The following SAPCD1 variants were observed in gnomAD, a reference collection of about 807,000 sequenced individuals.
SAPCD1 encodes the protein suppressor APC domain-containing protein 1.
Under a neutral mutation model 20.7 loss-of-function variants are expected in SAPCD1, and 16 were observed. The ratio of observed to expected loss-of-function variants is 0.77; its 90% CI spans 0.52 to 1.17. SAPCD1 has a LOEUF of 1.17. Ranked by LOEUF, SAPCD1 falls within the 50% of genes most tolerant of loss-of-function variation. The probability of loss-of-function intolerance (pLI) is 0.00; values close to 1 mark genes in which losing one functional copy is unlikely to be tolerated. For synonymous variants in SAPCD1, 77 were observed against 84.8 expected, an observed-to-expected ratio of 0.91 and a Z score of 0.50; for missense variants, 173 against 209.9, an observed-to-expected ratio of 0.82 and a Z score of 1.09.
In SAPCD1 at chr6:31,763,199, G is replaced by T; in HGVS notation, c.114+31G>T. Reference sequence around the variant, plus strand: ...TATCAGCCCAACAAGAGGTCCCAGGGGAACTCTCTCAATAGATCTGCCCTT... The same window carrying T: ...TATCAGCCCAACAAGAGGTCCCAGGTGAACTCTCTCAATAGATCTGCCCTT... On this transcript the variant is annotated intron_variant, in intron 1 of 4. Transcript: ENST00000415669. This position sits in a 1 kb window ranked among gnomAD's most constrained non-coding sequence, Gnocchi z 4.9. 1 of 1,354,052 alleles carries T rather than the reference G, an allele frequency of 7.4e-7. No homozygotes were observed. The highest frequency in any genetic ancestry group is 2.4e-5 in the East Asian group (1 of 42,016). The allele number at this position is 1,354,052 out of a possible 1,614,324, so 83.9% of individuals were successfully genotyped here.
rs148653160 is a variant in SAPCD1 at position 31,764,320 on chromosome 6, G to A, written c.406G>A (p.Glu136Lys). 2,760 of 1,614,178 alleles carry A rather than the reference G, an allele frequency of 1.7e-3. 4 individuals are homozygous for A. The highest frequency in any genetic ancestry group is 2.1e-3 in the Non-Finnish European group (2,467 of 1,180,030). The change falls in exon 4 of 5, where the codon GAA (glutamate) becomes AAA (lysine). Residue 136 changes from glutamate (E) to lysine (K), a missense_variant. Glu to Lys is a moderately conservative substitution (Grantham distance 56). Transcript: ENST00000415669. The surrounding 1 kb of genome is among the most constrained non-coding windows in gnomAD (Gnocchi z 4.7). The stretch of plus-strand genomic sequence containing the variant: ...TTCCTGCACCACCCAGGATTCAAAG[G>A]AAAGACGAAGGGAGCAGAACTTGTG...
rs1253241969 is a variant in SAPCD1, at chr6:31,763,883, GGAGATGGAGGAACTGATGTGCTAAA to G, written c.256-170_256-146del. 4.9e-6 allele frequency: 3 copies of G among 611,290 alleles called. No individual in the cohort carries two copies. Among genetic ancestry groups the G allele is most frequent in the Non-Finnish European group, 8.7e-6 (3 of 343,676 alleles). 37.9% of individuals were successfully genotyped at this position (611,290 alleles called of 1,614,324 possible). ...GAAAGGGGGTATTGTGCTATTTGAG[GGAGATGGAGGAACTGATGTGCTAAA>G]GAGATGGAGGTGGAGAGTACTGGAT... is the stretch of plus-strand genomic sequence containing the variant. On this transcript the variant is annotated intron_variant, in intron 2 of 4. Coordinates refer to ENST00000415669, the Ensembl canonical transcript of SAPCD1. The surrounding 1 kb of genome is among the most constrained non-coding windows in gnomAD (Gnocchi z 4.9).
In SAPCD1 at chr6:31,764,121, A is replaced by G; in HGVS notation, c.313A>G (p.Lys105Glu). 6.2e-7 allele frequency: 1 copy of G among 1,614,016 alleles called. No individual in the cohort carries two copies. The highest frequency in any genetic ancestry group is 8.5e-7 in the Non-Finnish European group (1 of 1,179,884). Residue 105 changes from lysine to glutamate, a missense_variant, in exon 3 of 5, where the codon AAG becomes GAG. Lys to Glu is a moderately conservative substitution (Grantham distance 56). Transcript: ENST00000415669. The surrounding 1 kb of genome is among the most constrained non-coding windows in gnomAD (Gnocchi z 4.7). The stretch of plus-strand genomic sequence containing the variant: ...TCGCCCCCCGTTAGCCCAGATTCAA[A>G]AGGTGAACATCTGTTTGCAGAATCT...
Position 31,763,367 on chromosome 6 carries a change from G to C in SAPCD1, c.115-48G>C, listed in dbSNP as rs201683662. ...GGTGGAGAGAAAGGGCCATAACCCA[G>C]AGCCCTACTGTGGCGTGAGAGTCAG... On this transcript the variant is annotated intron_variant, in intron 1 of 4. Transcript: ENST00000415669. This position sits in a 1 kb window ranked among gnomAD's most constrained non-coding sequence, Gnocchi z 4.9. 147 of 1,611,170 alleles carry C rather than the reference G, an allele frequency of 9.1e-5. No individual in the cohort carries two copies. The highest frequency in any genetic ancestry group is 5.0e-4 in the Middle Eastern group (3 of 6,056).
Position 31,764,598 on chromosome 6 carries a change from T to C in SAPCD1, c.*67T>C. The C allele has an allele frequency of 8.6e-7, 1 of 1,158,938 alleles. No homozygotes were observed. Among genetic ancestry groups the C allele is most frequent in the Non-Finnish European group, 1.2e-6 (1 of 805,366 alleles). The allele number at this position is 1,158,938 out of a possible 1,614,324, so 71.8% of individuals were successfully genotyped here. A position where few individuals can be genotyped will look rare whatever the true frequency, so the allele number is the denominator to read the frequency against. On this transcript the variant is annotated 3_prime_UTR_variant, in exon 5 of 5. Coordinates refer to ENST00000415669, the Ensembl canonical transcript of SAPCD1. This position sits in a 1 kb window ranked among gnomAD's most constrained non-coding sequence, Gnocchi z 4.7. ...GCCCCAGGCTCCTTTTTCTGTTTCT[T>C]AACTCAACAGCTAAAAAATGGCTCC...
rs377446358 is a variant in SAPCD1 at position 31,764,372 on chromosome 6, A to C, written c.441+17A>C. 2.5e-6 allele frequency: 4 copies of C among 1,612,680 alleles called. No homozygotes were observed. The highest frequency in any genetic ancestry group is 3.4e-6 in the Non-Finnish European group (4 of 1,178,634). ...CAGCAACAGGTAAACTTCAAGAAGGAGGGCAGGAGCCCCACCCTACAGGGC... is the reference window on the plus strand; with the variant it reads ...CAGCAACAGGTAAACTTCAAGAAGGCGGGCAGGAGCCCCACCCTACAGGGC... On this transcript the variant is annotated intron_variant, in intron 4 of 4. Transcript: ENST00000415669. The surrounding 1 kb of genome is among the most constrained non-coding windows in gnomAD (Gnocchi z 4.7).
At position 31,763,607 on chromosome 6, in the gene SAPCD1, A is replaced by C; in HGVS notation, c.255+52A>C. Reference sequence around the variant, plus strand: ...TGGGGGGAGGACCAGGGAGGGAGGAACAGGGAATGTGTAGACACAGCCTGA... The same window carrying C: ...TGGGGGGAGGACCAGGGAGGGAGGACCAGGGAATGTGTAGACACAGCCTGA... On this transcript the variant is annotated intron_variant, in intron 2 of 4. Transcript: ENST00000415669. This position sits in a 1 kb window ranked among gnomAD's most constrained non-coding sequence, Gnocchi z 4.9. The C allele has an allele frequency of 6.5e-7, 1 of 1,540,686 alleles. No homozygotes were observed. The highest frequency in any genetic ancestry group is 8.8e-7 in the Non-Finnish European group (1 of 1,136,214).
Position 31,764,418 on chromosome 6 carries a change from C to G in SAPCD1, c.442-18C>G. 1.9e-6 allele frequency: 3 copies of G among 1,612,610 alleles called. No homozygotes were observed. Among genetic ancestry groups the G allele is most frequent in the Non-Finnish European group, 2.5e-6 (3 of 1,178,566 alleles). ...AGGGCTGGGAGGAGCCCAGAGGCCC[C>G]ATCTGTTTCTCCTCCAGGAGTTGTC... On this transcript the variant is annotated intron_variant, in intron 4 of 4. Transcript: ENST00000415669. This position sits in a 1 kb window ranked among gnomAD's most constrained non-coding sequence, Gnocchi z 4.7.
chr6:31,764,098 G>A lies in SAPCD1; in HGVS notation c.290G>A (p.Arg97His), dbSNP rs762776811. Residue 97 changes from arginine to histidine, a missense_variant, in exon 3 of 5, where the codon CGC becomes CAC. Coordinates refer to ENST00000415669, the Ensembl canonical transcript of SAPCD1. The surrounding 1 kb of genome is among the most constrained non-coding windows in gnomAD (Gnocchi z 4.7). ...ACAGATTTACACTCAGAGCCTGGTC[G>A]CCCCCCGTTAGCCCAGATTCAAAAG... The A allele has an allele frequency of 2.5e-5, 40 of 1,613,302 alleles. No individual in the cohort carries two copies. The highest frequency in any genetic ancestry group is 3.1e-5 in the Non-Finnish European group (36 of 1,179,406).
rs763211512 is a variant in SAPCD1 at position 31,763,451 on chromosome 6, G to A, written c.151G>A (p.Ala51Thr). Residue 51 changes from alanine (A) to threonine (T), a missense_variant, in exon 2 of 5, where the codon GCC becomes ACC. By Grantham distance (58) the Ala-to-Thr change is moderately conservative. Transcript: ENST00000415669. The surrounding 1 kb of genome is among the most constrained non-coding windows in gnomAD (Gnocchi z 4.9). ...GCAGGCTCTGGAGAGAGAACAGGATGCCCTGTGGCAGGGTCTGGAGCTGCT... is the reference window on the plus strand; with the variant it reads ...GCAGGCTCTGGAGAGAGAACAGGATACCCTGTGGCAGGGTCTGGAGCTGCT... The A allele has an allele frequency of 3.1e-6, 5 of 1,613,070 alleles. No homozygotes were observed. The highest frequency in any genetic ancestry group is 3.4e-6 in the Non-Finnish European group (4 of 1,180,024).
chr6:31,763,741 G>C lies in SAPCD1; in HGVS notation c.255+186G>C. The C allele has an allele frequency of 6.3e-6, 4 of 634,110 alleles. 1 individual carries two copies. In the South Asian group the frequency reaches 7.8e-5, roughly 12 times the overall value. The allele number at this position is 634,110 out of a possible 1,614,324, so 39.3% of individuals were successfully genotyped here. On this transcript the variant is annotated intron_variant, in intron 2 of 4. Coordinates refer to ENST00000415669, the Ensembl canonical transcript of SAPCD1. The surrounding 1 kb of genome is among the most constrained non-coding windows in gnomAD (Gnocchi z 4.9). The stretch of plus-strand genomic sequence containing the variant: ...AAGTTGGTGTTCATTGTTGGGGCTG[G>C]AGGAAGCTGGTCTGCATTCCATTCA...
At position 31,763,474 on chromosome 6, in the gene SAPCD1, G is replaced by A. The variant is rs1460937228; in HGVS notation, c.174G>A (p.Leu58=). The A allele has an allele frequency of 2.5e-6, 4 of 1,612,928 alleles. No homozygotes were observed. The highest frequency in any genetic ancestry group is 3.4e-6 in the Non-Finnish European group (4 of 1,180,034). The change falls in exon 2 of 5, where the codon CTG becomes CTA. Residue 58 remains leucine (L), a synonymous_variant. Transcript: ENST00000415669. The surrounding 1 kb of genome is among the most constrained non-coding windows in gnomAD (Gnocchi z 4.9). ...ATGCCCTGTGGCAGGGTCTGGAGCT[G>A]CTACAGCATGGCCAGGCCTGGTTTG...
At position 31,763,485 on chromosome 6, in the gene SAPCD1, G is replaced by C; in HGVS notation, c.185G>C (p.Gly62Ala). ...CAGGGTCTGGAGCTGCTACAGCATG[G>C]CCAGGCCTGGTTTGAAGACCATCTG... Residue 62 changes from glycine to alanine, a missense_variant, in exon 2 of 5, where the codon GGC becomes GCC. Transcript: ENST00000415669. This position sits in a 1 kb window ranked among gnomAD's most constrained non-coding sequence, Gnocchi z 4.9. The C allele has an allele frequency of 5.0e-6, 8 of 1,613,016 alleles. No individual in the cohort carries two copies. The highest frequency in any genetic ancestry group is 6.8e-6 in the Non-Finnish European group (8 of 1,179,994).
At position 31,763,483 on chromosome 6, in the gene SAPCD1, T is replaced by C. The variant is rs377291540; in HGVS notation, c.183T>C (p.His61=). 5.0e-6 allele frequency: 8 copies of C among 1,612,968 alleles called. No individual in the cohort carries two copies. The South Asian group carries it at 7.7e-5, about 15-fold the overall frequency. ...GGCAGGGTCTGGAGCTGCTACAGCA[T>C]GGCCAGGCCTGGTTTGAAGACCATC... Residue 61 remains histidine, a synonymous_variant, in exon 2 of 5, where the codon CAT becomes CAC. Transcript: ENST00000415669. The surrounding 1 kb of genome is among the most constrained non-coding windows in gnomAD (Gnocchi z 4.9).
At chr6:31,762,787 T>C, upstream of SAPCD1, 2 of 545,746 alleles carry the variant, frequency 3.7e-6, no homozygotes, top group South Asian at 5.4e-5. Context: ...GTTGTTGCTG[T>C]AGGAAGACTC....
Position 31,763,010 on chromosome 6 carries a change from G to T in SAPCD1, c.-45G>T. On this transcript the variant is annotated 5_prime_UTR_variant, in exon 1 of 5. Coordinates refer to ENST00000415669, the Ensembl canonical transcript of SAPCD1. This position sits in a 1 kb window ranked among gnomAD's most constrained non-coding sequence, Gnocchi z 4.9. ...AGGGGTGGAGGGGAGGGACCAGCCC[G>T]GGCTGCACCAGTGGGAGTGGCTCCA... The T allele has an allele frequency of 8.6e-7, 1 of 1,161,268 alleles. No homozygotes were observed. Among genetic ancestry groups the T allele is most frequent in the Non-Finnish European group, 1.2e-6 (1 of 805,928 alleles). The allele number at this position is 1,161,268 out of a possible 1,614,324, so 71.9% of individuals were successfully genotyped here. A position where few individuals can be genotyped will look rare whatever the true frequency, so the allele number is the denominator to read the frequency against.
rs1371604625 is a variant in SAPCD1, at chr6:31,763,975, G to C, written c.256-89G>C. 7 of 894,364 alleles carry C rather than the reference G, an allele frequency of 7.8e-6. No homozygotes were observed. In the East Asian group the frequency reaches 1.4e-4, roughly 18 times the overall value. 55.4% of individuals were successfully genotyped at this position (894,364 alleles called of 1,614,324 possible). On this transcript the variant is annotated intron_variant, in intron 2 of 4. Coordinates refer to ENST00000415669, the Ensembl canonical transcript of SAPCD1. This position sits in a 1 kb window ranked among gnomAD's most constrained non-coding sequence, Gnocchi z 4.9. ...GAGGGTACTGGGACGAGGGGATCCA[G>C]ATGAGAGGGATGGCCTGTGGTGACA...
rs1811341578 is a variant in SAPCD1 at position 31,764,562 on chromosome 6, A to C, written c.*31A>C. 2 of 1,489,220 alleles carry C rather than the reference A, an allele frequency of 1.3e-6. No individual in the cohort carries two copies. Among genetic ancestry groups the C allele is most frequent in the Admixed American group, 3.9e-5 (2 of 51,238 alleles). 92.3% of individuals were successfully genotyped at this position (1,489,220 alleles called of 1,614,324 possible). On this transcript the variant is annotated 3_prime_UTR_variant, in exon 5 of 5. Transcript: ENST00000415669. The surrounding 1 kb of genome is among the most constrained non-coding windows in gnomAD (Gnocchi z 4.7). ...CCTCTCACTCCCCTAAGCCTGGTGA[A>C]AGAGTCAGAAGCCCCAGGCTCCTTT...
In SAPCD1 at chr6:31,763,194, C is replaced by A; in HGVS notation, c.114+26C>A. ...GTGAGTATCAGCCCAACAAGAGGTC[C>A]CAGGGGAACTCTCTCAATAGATCTG... On this transcript the variant is annotated intron_variant, in intron 1 of 4. Coordinates refer to ENST00000415669, the Ensembl canonical transcript of SAPCD1. This position sits in a 1 kb window ranked among gnomAD's most constrained non-coding sequence, Gnocchi z 4.9. 7.3e-7 allele frequency: 1 copy of A among 1,375,996 alleles called. No homozygotes were observed. Among genetic ancestry groups the A allele is most frequent in the Non-Finnish European group, 1.0e-6 (1 of 994,852 alleles). 85.2% of individuals were successfully genotyped at this position (1,375,996 alleles called of 1,614,324 possible).
Sources: gnomAD v4.1 joint callset for allele counts on GRCh38, gnomAD v4.1.1 for gene constraint, Gnocchi (gnomAD v3.1) non-coding constraint, MANE v1.5 for transcripts, NCBI Gene and HGNC (gene_info 2026-07-23, HGNC 2026-07-21) for gene names.